Variants in SEPTIN2 observed in about 807,000 individuals in gnomAD.
SEPTIN2 encodes the protein septin 2, also known as septin-2.
In SEPTIN2, 34 loss-of-function variants were observed where a neutral mutation model predicts 46.5. That is an observed-to-expected ratio of 0.73 (90% CI 0.56 to 0.97). The LOEUF (loss-of-function observed/expected upper bound fraction) is 0.97. Ranked by LOEUF, SEPTIN2 falls within the 50% of genes least tolerant of loss-of-function variation. The pLI is 0.00. For missense variants in SEPTIN2, 347 were observed against 448.4 expected, an observed-to-expected ratio of 0.77 and a Z score of 2.04; for synonymous variants, 175 against 153.4, an observed-to-expected ratio of 1.14 and a Z score of -1.04.
intron 7 of SEPTIN2, among the ~76,000 whole-genome samples, chr2:241,338,944 AT>A (rs2080813996): frequency 1.0e-5 from 1 of 97,994 alleles, no homozygotes; most frequent in Non-Finnish European, 1.9e-5. Context: ...TATTATATAT[AT>A]TATATATATA....
intron 4 of SEPTIN2, 59 bp from the exon 5 acceptor site, chr2:241,335,916 C>G (rs758575347): frequency 1.9e-6 from 3 of 1,612,382 alleles, no homozygotes; most frequent in Admixed American, 3.3e-5. Flanking sequence ...GTCGTAAGAA[C>G]GTGAGCTTTC....
At chr2:241,347,657 T>C (rs1284887289) in intron 10 of SEPTIN2, among the ~76,000 whole-genome samples, 1 of 152,270 alleles carries the variant, frequency 6.6e-6, no homozygotes, top group Non-Finnish European at 1.5e-5. Flanking sequence ...GTCTCTTGAA[T>C]GTTCCATTTC....
At chr2:241,338,374 A>G (rs1030885897) in intron 7 of SEPTIN2, among the ~76,000 whole-genome samples, 2 of 151,846 alleles carry the variant, frequency 1.3e-5, no homozygotes, top group South Asian at 4.1e-4. Context: ...CAAATAGTTT[A>G]TATATGCTAA....
chr2:241,330,201 C>T (rs757076926), intron 3 of SEPTIN2, among the ~76,000 whole-genome samples: 33 of 152,058 alleles, frequency 2.2e-4, no homozygotes, highest in Admixed American at 5.9e-4. Flanking sequence ...TGATGCAACC[C>T]GTGTGTTTCT....
intron 3 of SEPTIN2, among the ~76,000 whole-genome samples, chr2:241,326,349 T>C (rs926537602): frequency 6.6e-6 from 1 of 152,254 alleles, no homozygotes; most frequent in African/African-American, 2.4e-5. Flanking sequence ...TCAGCTAGGC[T>C]CCAAAATGGC....
chr2:241,345,410 G>T (rs887898721), intron 9 of SEPTIN2, among the ~76,000 whole-genome samples: 2 of 151,806 alleles, frequency 1.3e-5, no homozygotes, highest in East Asian at 1.9e-4. Context: ...ATTGAGGGGG[G>T]TGTAGAGGCT....
At chr2:241,343,600 C>G (rs766398792) in intron 8 of SEPTIN2, 152 bp from the exon 9 acceptor site, 1 of 802,190 alleles carries the variant, frequency 1.2e-6, no homozygotes, top group Non-Finnish European at 2.0e-6. Context: ...AAGTATCTGA[C>G]ACTTTTCAAG....
At position 241,353,998 on chromosome 2, in the gene SEPTIN2, T is replaced by C. The variant is rs530943381; in HGVS notation, c.*2061T>C. The C allele has an allele frequency of 6.6e-6, 1 of 152,396 alleles. No individual in the cohort carries two copies. Among genetic ancestry groups the C allele is most frequent in the South Asian group, 2.1e-4 (1 of 4,832 alleles). 9.4% of individuals were successfully genotyped at this position (152,396 alleles called of 1,614,324 possible). ...TGTATCCATTTAAACTAACCTTTTA[T>C]CAATAAAGCACTATTGTTTAGATAT... On this transcript the variant is annotated 3_prime_UTR_variant, in exon 13 of 13. Coordinates refer to ENST00000391971, the MANE Select transcript of SEPTIN2 (RefSeq NM_004404.5).
intron 7 of SEPTIN2, among the ~76,000 whole-genome samples, chr2:241,339,904 G>C (rs1223064016): frequency 6.6e-6 from 1 of 152,180 alleles, no homozygotes; most frequent in African/African-American, 2.4e-5. Context: ...CCCAGGTCCT[G>C]AGATCAGGAA....
intron 9 of SEPTIN2, among the ~76,000 whole-genome samples, chr2:241,345,699 G>A (rs1210548709): frequency 6.6e-6 from 1 of 152,302 alleles, no homozygotes; most frequent in South Asian, 2.1e-4. Context: ...TTATGGTCTT[G>A]TACATAGCTT....
chr2:241,346,959 C>T lies in SEPTIN2; in HGVS notation c.926+710C>T, dbSNP rs116154780. On this transcript the variant is annotated intron_variant, in intron 10 of 12. Transcript: ENST00000391971. ...GATCCTCGCAAAGTCCTGCAGCCAT[C>T]CTCACTCACCTTTTCTTTTTAACCA... Among the ~76,000 whole-genome samples the T allele has an allele frequency of 8.2e-3, 1,242 of 152,250 alleles. 28 individuals carry two copies. The highest frequency in any genetic ancestry group is 6.4e-3 in the Non-Finnish European group (433 of 68,014).
At chr2:241,328,790 G>A (rs866324151) in intron 3 of SEPTIN2, among the ~76,000 whole-genome samples, 1 of 151,692 alleles carries the variant, frequency 6.6e-6, no homozygotes, top group African/African-American at 2.4e-5. Flanking sequence ...AGGAGGCTAG[G>A]CGGGTGGATC....
At chr2:241,341,635 G>A (rs1173841036) in intron 7 of SEPTIN2, among the ~76,000 whole-genome samples, 2 of 152,208 alleles carry the variant, frequency 1.3e-5, no homozygotes, top group Non-Finnish European at 2.9e-5. Context: ...CAGAGTAAAG[G>A]ATGTAGAGAG....
intron 1 of SEPTIN2, chr2:241,316,575 G>A (rs7580090): frequency 2.0e-6 from 3 of 1,503,152 alleles, no homozygotes; most frequent in East Asian, 2.6e-5. Flanking sequence ...GGCAGCAGGG[G>A]GTAGGGTATA....
At chr2:241,344,637 A>G (rs1347137645) in intron 9 of SEPTIN2, among the ~76,000 whole-genome samples, 5 of 152,206 alleles carry the variant, frequency 3.3e-5, no homozygotes, top group African/African-American at 1.2e-4. Flanking sequence ...CAGGAGGCAG[A>G]GGTTGCAGTG....
chr2:241,351,885 G>C (rs754331101), intron 12 of SEPTIN2, 82 bp from the exon 13 acceptor site: 5 of 152,350 alleles, frequency 3.3e-5, no homozygotes, highest in Non-Finnish European at 5.9e-5. Flanking sequence ...CTTTGTTAAG[G>C]AGAAAAGTAG....
At chr2:241,322,526 G>T (rs75560687) in intron 1 of SEPTIN2, among the ~76,000 whole-genome samples, 23,958 of 151,170 alleles carry the variant, frequency 0.16, 2,075 homozygotes, top group Middle Eastern at 0.26. Flanking sequence ...AGAAGGGCGT[G>T]AACCCAGGAG....
At chr2:241,329,789 T>TA (rs2149967657) in intron 3 of SEPTIN2, among the ~76,000 whole-genome samples, 2 of 152,240 alleles carry the variant, frequency 1.3e-5, no homozygotes, top group South Asian at 4.1e-4. Flanking sequence ...TAGAACTTCT[T>TA]AAAAGAGGCA....
intron 3 of SEPTIN2, among the ~76,000 whole-genome samples, chr2:241,333,608 C>A (rs891760671): frequency 1.5e-5 from 2 of 136,256 alleles, no homozygotes; most frequent in Non-Finnish European, 3.2e-5. Flanking sequence ...CTCCCGGGTT[C>A]ACGCCATTCT....
Sources: gnomAD v4.1 joint callset for allele counts (sites outside exome capture counted in the v4.1 genomes callset) on GRCh38, gnomAD v4.1.1 for gene constraint, MANE v1.5 for transcripts, NCBI Gene and HGNC (gene_info 2026-07-23, HGNC 2026-07-21) for gene names.